TAFA1: variants seen among roughly 807,000 people sequenced by gnomAD.
TAFA1 encodes the protein TAFA chemokine like family member 1, also known as chemokine-like protein TAFA-1.
In TAFA1, 4 loss-of-function variants were observed where a neutral mutation model predicts 18.5. The ratio of observed to expected loss-of-function variants is 0.22; its 90% confidence interval spans 0.11 to 0.49. The LOEUF (loss-of-function observed/expected upper bound fraction) is 0.49, where lower values mean the gene tolerates loss of function less well. TAFA1 is among the 20% of genes least tolerant of loss of function. The pLI is 0.98. For missense variants in TAFA1, 147 were observed against 169.0 expected, an observed-to-expected ratio of 0.87 and a Z score of 0.72; for synonymous variants, 56 against 55.2, an observed-to-expected ratio of 1.01 and a Z score of -0.06.
At chr3:68,085,016 C>G (rs902751928) in intron 2 of TAFA1, among the ~76,000 whole-genome samples, 6 of 152,074 alleles carry the variant, frequency 3.9e-5, no homozygotes. Context: ...ATCTCGTTAT[C>G]CATGCATCAG....
intron 2 of TAFA1, among the ~76,000 whole-genome samples, chr3:68,227,730 TTCTC>T (rs2066819769): frequency 6.6e-6 from 1 of 152,210 alleles, no homozygotes; most frequent in African/African-American, 2.4e-5. Context: ...GATATTAACT[TTCTC>T]TATACAGATC....
At chr3:68,358,275 C>T (rs991455866) in intron 2 of TAFA1, among the ~76,000 whole-genome samples, 22 of 151,314 alleles carry the variant, frequency 1.5e-4, no homozygotes, top group African/African-American at 5.3e-4. Flanking sequence ...TTTTTTATAT[C>T]CTGGAGATCT....
At chr3:68,536,652 G>A (rs1176030476) in intron 3 of TAFA1, among the ~76,000 whole-genome samples, 1 of 152,186 alleles carries the variant, frequency 6.6e-6, no homozygotes, top group Admixed American at 6.5e-5. Flanking sequence ...AAGGCATTAA[G>A]GGAAATATAG....
intron 2 of TAFA1, among the ~76,000 whole-genome samples, chr3:68,278,801 G>T (rs1199079073): frequency 6.6e-6 from 1 of 152,072 alleles, no homozygotes; most frequent in Non-Finnish European, 1.5e-5. Flanking sequence ...GCATTCAGTA[G>T]GTCTGGGATG....
intron 2 of TAFA1, among the ~76,000 whole-genome samples, chr3:68,060,365 T>C (rs2064587382): frequency 6.6e-6 from 1 of 152,140 alleles, no homozygotes; most frequent in Non-Finnish European, 1.5e-5. Context: ...ATGGTTTCCA[T>C]GGGTAGAAAC....
intron 2 of TAFA1, among the ~76,000 whole-genome samples, chr3:68,243,404 G>A (rs1251361778): frequency 2.6e-5 from 4 of 151,820 alleles, no homozygotes; most frequent in Non-Finnish European, 5.9e-5. Context: ...CCAGAATTAC[G>A]ATATTTAATG....
chr3:68,009,295 C>T (rs571962714), intron 2 of TAFA1, among the ~76,000 whole-genome samples: 8 of 152,270 alleles, frequency 5.3e-5, no homozygotes, highest in Admixed American at 3.9e-4. Context: ...TGGAGTTTTT[C>T]ATTGGGGGTT....
chr3:68,235,667 G>A (rs564403828), intron 2 of TAFA1, among the ~76,000 whole-genome samples: 1 of 152,034 alleles, frequency 6.6e-6, no homozygotes, highest in Non-Finnish European at 1.5e-5. Flanking sequence ...TGTAGATCAA[G>A]TATGGCTGGC....
chr3:68,323,284 G>C (rs908209975), intron 2 of TAFA1, among the ~76,000 whole-genome samples: 1 of 152,166 alleles, frequency 6.6e-6, no homozygotes, highest in Non-Finnish European at 1.5e-5. Flanking sequence ...TACATTAGCT[G>C]CCACCTGCAG....
At chr3:68,322,274 T>G (rs1319935245) in intron 2 of TAFA1, among the ~76,000 whole-genome samples, 1 of 152,160 alleles carries the variant, frequency 6.6e-6, no homozygotes, top group Non-Finnish European at 1.5e-5. Context: ...AACATACTCA[T>G]TAAATTATTT....
intron 2 of TAFA1, among the ~76,000 whole-genome samples, chr3:68,413,452 A>T (rs1459968408): frequency 1.3e-5 from 2 of 152,164 alleles, no homozygotes; most frequent in Non-Finnish European, 2.9e-5. Flanking sequence ...TACTTTCTTT[A>T]ATATTATTAC....
intron 2 of TAFA1, among the ~76,000 whole-genome samples, chr3:68,076,993 T>C (rs2064833204): frequency 6.6e-6 from 1 of 152,226 alleles, no homozygotes; most frequent in East Asian, 1.9e-4. Context: ...TTTTAATGAT[T>C]GCCATTCTCA....
intron 2 of TAFA1, among the ~76,000 whole-genome samples, chr3:68,256,710 T>A (rs1463387212): frequency 1.3e-5 from 2 of 152,156 alleles, no homozygotes; most frequent in Non-Finnish European, 2.9e-5. Flanking sequence ...TCTAGGGTTA[T>A]AAGACTGGAG....
At chr3:68,220,466 G>A (rs2066715576) in intron 2 of TAFA1, among the ~76,000 whole-genome samples, 1 of 151,700 alleles carries the variant, frequency 6.6e-6, no homozygotes, top group African/African-American at 2.4e-5. Flanking sequence ...AATTAATATG[G>A]TCTTATTTCT....
rs375596579 is a variant in TAFA1 at position 68,482,120 on chromosome 3, C to T, written c.260-56636C>T. ...CTGCCTCCCGGGTTCATGCCAGTGTCCTGCCTCAGCCTCCTGAGTAGCTGG... is the reference window on the plus strand; with the variant it reads ...CTGCCTCCCGGGTTCATGCCAGTGTTCTGCCTCAGCCTCCTGAGTAGCTGG... On this transcript the variant is annotated intron_variant, in intron 3 of 4. Coordinates refer to ENST00000478136, the MANE Select transcript of TAFA1 (RefSeq NM_213609.4). 2.7e-3 allele frequency among the ~76,000 whole-genome samples: 406 copies of T among 152,330 alleles called. 4 individuals carry two copies. The highest frequency in any genetic ancestry group is 9.0e-3 in the African/African-American group (376 of 41,574).
rs1559713550 is a variant in TAFA1 at position 68,544,669 on chromosome 3, T to A, written c.*166T>A. ...CTGTGTGTAACGAAATATCCTACAG[T>A]GAGAAGACACAGCGTTTTGGCAACA... On this transcript the variant is annotated 3_prime_UTR_variant, in exon 5 of 5. Coordinates refer to ENST00000478136, the MANE Select transcript of TAFA1 (RefSeq NM_213609.4). 1 of 640,792 alleles carries A rather than the reference T, an allele frequency of 1.6e-6. No individual in the cohort carries two copies. Among genetic ancestry groups the A allele is most frequent in the Non-Finnish European group, 2.6e-6 (1 of 380,906 alleles). The allele number at this position is 640,792 out of a possible 1,614,324, so 39.7% of individuals were successfully genotyped here.
intron 2 of TAFA1, among the ~76,000 whole-genome samples, chr3:68,311,673 C>A (rs2313281): frequency 2.0e-5 from 3 of 152,180 alleles, no homozygotes; most frequent in African/African-American, 7.2e-5. Flanking sequence ...GGCAGCTTCA[C>A]CCCTGTGGCT....
intron 2 of TAFA1, among the ~76,000 whole-genome samples, chr3:68,318,261 A>T (rs2068638052): frequency 6.6e-6 from 1 of 152,132 alleles, no homozygotes; most frequent in Non-Finnish European, 1.5e-5. Context: ...GGCTCAAGGG[A>T]TGGGATGCAC....
At chr3:68,374,199 G>A (rs1213439765) in intron 2 of TAFA1, among the ~76,000 whole-genome samples, 2 of 152,162 alleles carry the variant, frequency 1.3e-5, no homozygotes, top group Non-Finnish European at 2.9e-5. Flanking sequence ...CCAGTCAGAT[G>A]CGTGTGAGAA....
Sources: gnomAD v4.1 joint callset for allele counts (sites outside exome capture counted in the v4.1 genomes callset) on GRCh38, gnomAD v4.1.1 for gene constraint, MANE v1.5 for transcripts, NCBI Gene and HGNC (gene_info 2026-07-23, HGNC 2026-07-21) for gene names.